The following GNAT2 variants were observed in gnomAD, a reference collection of about 807,000 sequenced individuals.
GNAT2 encodes the protein guanine nucleotide-binding protein G(t) subunit alpha-2.
GNAT2 carries 32 observed loss-of-function variants against 40.9 expected under a neutral mutation model. The ratio of observed to expected loss-of-function variants is 0.78; its 90% CI spans 0.59 to 1.05. The LOEUF is 1.05. Among genes scored for constraint, GNAT2 ranks in the 50% least tolerant of loss-of-function variants. GNAT2 has a pLI of 0.00. For synonymous variants in GNAT2, 141 were observed against 157.2 expected (o/e 0.90, Z 0.77); for missense variants, 355 against 431.5 (o/e 0.82, Z 1.57).
At chr1:109,618,124 CAAAT>C (rs1181853735) in intron 1 of GNAT2, 1 of 152,024 alleles carries the variant, frequency 6.6e-6, no homozygotes, top group Non-Finnish European at 1.5e-5. Flanking sequence ...TTCTAAAATG[CAAAT>C]AAATATAAAG....
intron 1 of GNAT2, chr1:109,615,620 A>AAAAAAG (rs1553227375): frequency 2.4e-4 from 31 of 126,820 alleles, no homozygotes; most frequent in South Asian, 9.4e-4. Flanking sequence ...AAAAAAAAAA[A>AAAAAAG]AAAAGAAAAG....
chr1:109,614,209 A>G (rs997973843), intron 1 of GNAT2: 4 of 152,216 alleles, frequency 2.6e-5, no homozygotes, highest in African/African-American at 9.7e-5. Flanking sequence ...GCAGTTTAAC[A>G]AGATCTCAGG....
chr1:109,618,950 C>T (rs188837932), intron 1 of GNAT2, among the ~76,000 whole-genome samples: 137 of 152,292 alleles, frequency 9.0e-4, no homozygotes, highest in African/African-American at 3.1e-3. Flanking sequence ...GCCAGACAAA[C>T]AGCATTAGAA....
intron 2 of GNAT2, chr1:109,612,180 A>T (rs1334115741): frequency 5.7e-6 from 1 of 174,454 alleles, no homozygotes; most frequent in East Asian, 1.5e-4. Context: ...GCAGCTATTG[A>T]ATAGAGAGCC....
In GNAT2 at chr1:109,612,753, C is replaced by G; in HGVS notation, c.118G>C (p.Gly40Arg). ...EAKTVKLLLL[G>R]AGESGKSTIV... is the part of the protein sequence containing the mutation. The stretch of plus-strand genomic sequence containing the variant: ...TGGCTCATCTTCCCATCTCACTCAC[C>G]CAGCAGTAGCAGCTTGACAGTCTTG... Residue 40 changes from glycine (G) to arginine (R), a missense_variant and splice_region_variant, in exon 2 of 9, where the codon GGT becomes CGT. Gly to Arg is a moderately radical substitution (Grantham distance 125). Transcript: ENST00000679935. 6.4e-7 allele frequency: 1 copy of G among 1,562,096 alleles called. No individual in the cohort carries two copies. Among genetic ancestry groups the G allele is most frequent in the Admixed American group, 1.7e-5 (1 of 59,970 alleles).
rs1649755941 is a variant in GNAT2, at chr1:109,610,249, G to A, written c.162-68C>T. 3.9e-6 allele frequency: 6 copies of A among 1,536,732 alleles called. No homozygotes were observed. In the South Asian group the frequency reaches 5.6e-5, roughly 14 times the overall value. On this transcript the variant is annotated intron_variant, in intron 3 of 8. Coordinates refer to ENST00000679935, the MANE Select transcript of GNAT2 (RefSeq NM_001377295.2). Reference sequence around the variant, plus strand: ...CCAGACCTAAGGGATTAGGAATTTGGGGGTATTTAAAGGATCATAAGAATC... The same window carrying A: ...CCAGACCTAAGGGATTAGGAATTTGAGGGTATTTAAAGGATCATAAGAATC...
intron 8 of GNAT2, 50 bp downstream of exon 8, chr1:109,603,901 C>A (rs1429524259): frequency 4.5e-6 from 6 of 1,332,554 alleles, no homozygotes; most frequent in Non-Finnish European, 6.5e-6. Flanking sequence ...GAGACAATTG[C>A]CAGTCTCTAC....
intron 7 of GNAT2, chr1:109,605,113 C>G (rs1327466306): frequency 6.6e-6 from 1 of 152,308 alleles, no homozygotes; most frequent in Non-Finnish European, 1.5e-5. Context: ...AGGAGTATCC[C>G]TTTCATCAGC....
chr1:109,612,748 C>T lies in GNAT2; in HGVS notation c.118+5G>A, dbSNP rs1297656759. The T allele has an allele frequency of 6.5e-6, 10 of 1,538,444 alleles. No homozygotes were observed. The highest frequency in any genetic ancestry group is 1.4e-5 in the African/African-American group (1 of 73,452). ...TTCTCTGGCTCATCTTCCCATCTCA[C>T]TCACCCAGCAGTAGCAGCTTGACAG... On this transcript the variant is annotated splice_donor_5th_base_variant and intron_variant, in intron 2 of 8. Transcript: ENST00000679935.
chr1:109,612,582 C>T, intron 2 of GNAT2, 171 bp downstream of exon 2: 1 of 673,706 alleles, frequency 1.5e-6, no homozygotes, highest in Non-Finnish European at 2.7e-6. Context: ...GCTGTTTAGG[C>T]CCCATATTAA....
Position 109,610,460 on chromosome 1 carries a change from C to T in GNAT2, c.161+5G>A, listed in dbSNP as rs746346813. The T allele has an allele frequency of 1.2e-6, 2 of 1,613,134 alleles. No individual in the cohort carries two copies. Among genetic ancestry groups the T allele is most frequent in the Non-Finnish European group, 1.7e-6 (2 of 1,179,234 alleles). On this transcript the variant is annotated splice_donor_5th_base_variant and intron_variant, in intron 3 of 8. Transcript: ENST00000679935. ...CTTGTCTTTTGGGGCTTTGTTTCTA[C>T]TCACTTCATCTGTTTGACGATGGTG... is the stretch of plus-strand genomic sequence containing the variant.
chr1:109,612,513 C>T (rs1649828598), intron 2 of GNAT2: 2 of 518,788 alleles, frequency 3.9e-6, no homozygotes, highest in Non-Finnish European at 7.0e-6. Context: ...TGCACTATTC[C>T]TCGCTCAAGA....
At chr1:109,617,666 G>C (rs941931397) in intron 1 of GNAT2, 6 of 152,232 alleles carry the variant, frequency 3.9e-5, no homozygotes, top group African/African-American at 1.4e-4. Context: ...GTGTGTTGCA[G>C]ATGGGACTAG....
At chr1:109,604,955 G>A (rs1570561622) in intron 7 of GNAT2, 1 of 152,178 alleles carries the variant, frequency 6.6e-6, no homozygotes, top group East Asian at 1.9e-4. Flanking sequence ...GGTTAAAGAT[G>A]GAAAGTCTCA....
chr1:109,604,908 T>C (rs1209073916), intron 7 of GNAT2: 2 of 152,446 alleles, frequency 1.3e-5, no homozygotes, highest in African/African-American at 2.4e-5. Context: ...TAATGTCTCA[T>C]AGACTTTAAT....
chr1:109,616,988 A>C (rs1649968672), intron 1 of GNAT2: 1 of 152,238 alleles, frequency 6.6e-6, no homozygotes, highest in Admixed American at 6.5e-5. Context: ...GGTTTGACTA[A>C]AATCCACTGG....
At chr1:109,608,860 T>G (rs1455311602) in intron 4 of GNAT2, 72 bp from the exon 5 acceptor site, 6 of 1,136,920 alleles carry the variant, frequency 5.3e-6, no homozygotes, top group Non-Finnish European at 5.3e-6. Context: ...GGAATACTGC[T>G]GAATGGAAAT....
At chr1:109,619,170 T>C (rs1650048904) in intron 1 of GNAT2, among the ~76,000 whole-genome samples, 1 of 152,172 alleles carries the variant, frequency 6.6e-6, no homozygotes, top group South Asian at 2.1e-4. Flanking sequence ...TGAGTGTCAA[T>C]AGAGAACCAA....
intron 4 of GNAT2, 188 bp downstream of exon 4, chr1:109,609,852 G>A: frequency 1.5e-6 from 1 of 664,504 alleles, no homozygotes; most frequent in Non-Finnish European, 2.7e-6. Flanking sequence ...AGGTCTTACT[G>A]CGTAGATGGG....
Sources: gnomAD v4.1 joint callset for allele counts (sites outside exome capture counted in the v4.1 genomes callset) on GRCh38, gnomAD v4.1.1 for gene constraint, MANE v1.5 for transcripts, NCBI Gene and HGNC (gene_info 2026-07-23, HGNC 2026-07-21) for gene names.